NFXL1: variants seen among roughly 807,000 people sequenced by gnomAD.
NFXL1 encodes NF-X1-type zinc finger protein NFXL1.
In NFXL1, 66 loss-of-function variants were observed where a neutral mutation model predicts 123.3. That is an observed-to-expected ratio of 0.54 (90% CI 0.44 to 0.66). The LOEUF is 0.66. Among genes scored for constraint, NFXL1 ranks in the 30% least tolerant of loss-of-function variants. The pLI is 0.00. For synonymous variants in NFXL1, 346 were observed against 360.8 expected (o/e 0.96, Z 0.46); for missense variants, 944 against 1,125.6 (o/e 0.84, Z 2.31).
chr4:47,912,604 G>A (rs1218412712), intron 2 of NFXL1, among the ~76,000 whole-genome samples: 1 of 148,730 alleles, frequency 6.7e-6, no homozygotes, highest in Non-Finnish European at 1.5e-5. Flanking sequence ...GACTACAGGC[G>A]CCTGCCACCC....
At chr4:47,879,006 T>G in intron 16 of NFXL1, 90 bp downstream of exon 16, 1 of 776,584 alleles carries the variant, frequency 1.3e-6, no homozygotes, top group Non-Finnish European at 2.1e-6. Context: ...ATACTTTGAC[T>G]TTGTTATTTC....
At chr4:47,874,521 A>G (rs1027902445) in intron 18 of NFXL1, among the ~76,000 whole-genome samples, 2 of 152,232 alleles carry the variant, frequency 1.3e-5, no homozygotes, top group Admixed American at 1.3e-4. Flanking sequence ...GTCTCACAGA[A>G]GTGCAGTTCA....
intron 19 of NFXL1, among the ~76,000 whole-genome samples, chr4:47,856,710 T>C (rs1734436505): frequency 6.6e-6 from 1 of 152,250 alleles, no homozygotes; most frequent in African/African-American, 2.4e-5. Context: ...TCACTCACAC[T>C]GTGCACTTCC....
chr4:47,913,954 G>A lies in NFXL1; in HGVS notation c.235+15C>T, dbSNP rs987353257. The stretch of plus-strand genomic sequence containing the variant: ...GAGGCATCCAGGTGAGCACGCGGGC[G>A]GGAGCCATTCTCACCGCTGGCTGCG... On this transcript the variant is annotated intron_variant, in intron 2 of 22. Transcript: ENST00000507489. The A allele has an allele frequency of 8.5e-6, 13 of 1,528,872 alleles. No individual in the cohort carries two copies. In the African/African-American group the frequency reaches 1.1e-4, roughly 13 times the overall value. 94.7% of individuals were successfully genotyped at this position (1,528,872 alleles called of 1,614,324 possible). A position where few individuals can be genotyped will look rare whatever the true frequency, so the allele number is the denominator to read the frequency against.
intron 15 of NFXL1, among the ~76,000 whole-genome samples, chr4:47,884,034 G>A (rs570105942): frequency 6.6e-5 from 10 of 152,204 alleles, no homozygotes; most frequent in African/African-American, 1.4e-4. Context: ...GGGAATCATC[G>A]GGAAAAGTAA....
rs768501174 is a variant in NFXL1, at chr4:47,890,717, A to G, written c.1453-14T>C. On this transcript the variant is annotated splice_polypyrimidine_tract_variant and intron_variant, in intron 11 of 22. Transcript: ENST00000507489. ...TCCAGGGCAACACTGAAGAGAAAGC[A>G]ATATATAAAGAACAGGTAATTCAAA... The G allele has an allele frequency of 1.3e-6, 2 of 1,506,812 alleles. No individual in the cohort carries two copies. The highest frequency in any genetic ancestry group is 2.3e-5 in the East Asian group (1 of 44,220). 93.3% of individuals were successfully genotyped at this position (1,506,812 alleles called of 1,614,324 possible). A position where few individuals can be genotyped will look rare whatever the true frequency, so the allele number is the denominator to read the frequency against.
intron 18 of NFXL1, among the ~76,000 whole-genome samples, chr4:47,869,096 G>A (rs1297646455): frequency 1.3e-5 from 2 of 152,066 alleles, no homozygotes; most frequent in African/African-American, 4.8e-5. Flanking sequence ...GTGGTGGTAT[G>A]TGCCTGTAGC....
chr4:47,906,864 T>A (rs949581126), intron 3 of NFXL1, among the ~76,000 whole-genome samples: 4 of 152,186 alleles, frequency 2.6e-5, no homozygotes, highest in Non-Finnish European at 5.9e-5. Context: ...CTATTTGAAG[T>A]CATGCATTTT....
chr4:47,863,268 CT>C (rs1182827905), intron 18 of NFXL1, among the ~76,000 whole-genome samples: 1 of 152,060 alleles, frequency 6.6e-6, no homozygotes, highest in Non-Finnish European at 1.5e-5. Context: ...GTTAATGCCC[CT>C]ACATAAAAAA....
At chr4:47,897,009 A>G (rs1737123212) in intron 9 of NFXL1, among the ~76,000 whole-genome samples, 1 of 152,196 alleles carries the variant, frequency 6.6e-6, no homozygotes, top group Non-Finnish European at 1.5e-5. Flanking sequence ...CACAAAGACA[A>G]AAAGAAAGGT....
Position 47,894,211 on chromosome 4 carries a change from C to A in NFXL1, c.1421G>T (p.Arg474Leu). The A allele has an allele frequency of 6.2e-7, 1 of 1,604,398 alleles. No individual in the cohort carries two copies. The highest frequency in any genetic ancestry group is 2.3e-5 in the East Asian group (1 of 44,376). The change falls in exon 11 of 23, where the codon CGT becomes CTT. Residue 474 changes from arginine to leucine, a missense_variant. Transcript: ENST00000507489. ...TCTACATTGATGCTTCTGACAGTCA[C>A]GCATCTTAACACACTTAGTTTCACA... ...YLCETKCVKMRDCQKHQCRRK... is the reference protein window; with the variant it reads ...YLCETKCVKMLDCQKHQCRRK...
chr4:47,864,269 G>C (rs1184562955), intron 18 of NFXL1, among the ~76,000 whole-genome samples: 2 of 152,140 alleles, frequency 1.3e-5, no homozygotes, highest in Non-Finnish European at 2.9e-5. Context: ...TTAACATGAA[G>C]CAGAAAAAGA....
intron 18 of NFXL1, among the ~76,000 whole-genome samples, chr4:47,865,341 G>A (rs1367030571): frequency 6.6e-6 from 1 of 152,022 alleles, no homozygotes; most frequent in Non-Finnish European, 1.5e-5. Context: ...GTAGTGCTGA[G>A]GTAATGGAAG....
intron 12 of NFXL1, among the ~76,000 whole-genome samples, chr4:47,887,966 C>T (rs1736540109): frequency 6.6e-6 from 1 of 151,804 alleles, no homozygotes; most frequent in Non-Finnish European, 1.5e-5. Flanking sequence ...ACAGATGATC[C>T]TGAATTTAAA....
intron 15 of NFXL1, among the ~76,000 whole-genome samples, chr4:47,879,589 T>C (rs781300678): frequency 3.9e-5 from 6 of 152,050 alleles, no homozygotes; most frequent in Non-Finnish European, 7.4e-5. Flanking sequence ...AAAGTCTATA[T>C]AGAAAGATAA....
Position 47,886,046 on chromosome 4 carries a change from T to C in NFXL1, c.1544-47A>G, listed in dbSNP as rs773294956. On this transcript the variant is annotated intron_variant, in intron 12 of 22. Coordinates refer to ENST00000507489, the MANE Select transcript of NFXL1 (RefSeq NM_001278624.2). The stretch of plus-strand genomic sequence containing the variant: ...TAAAAAGTTTCCTTAACTACCCAAA[T>C]GCCTATTAATGGTAAAATACATAAA... 8.3e-6 allele frequency: 13 copies of C among 1,569,496 alleles called. No individual in the cohort carries two copies. In the East Asian group the frequency reaches 2.5e-4, roughly 30 times the overall value.
chr4:47,912,453 TTTTC>T (rs1484155386), intron 2 of NFXL1, among the ~76,000 whole-genome samples: 1 of 122,468 alleles, frequency 8.2e-6, no homozygotes, highest in African/African-American at 3.0e-5. Context: ...TTTCTTTTTC[TTTTC>T]TTTCTTTTTT....
chr4:47,855,264 G>C, intron 19 of NFXL1, 101 bp from the exon 20 acceptor site: 1 of 599,580 alleles, frequency 1.7e-6, no homozygotes, highest in Non-Finnish European at 3.0e-6. Flanking sequence ...TCACACAAAG[G>C]GTCAATCAAT....
chr4:47,863,345 T>A (rs940234768), intron 18 of NFXL1, among the ~76,000 whole-genome samples: 1 of 152,172 alleles, frequency 6.6e-6, no homozygotes, highest in African/African-American at 2.4e-5. Flanking sequence ...GAAATAAAAT[T>A]AACTTATTTA....
Sources: gnomAD v4.1 joint callset for allele counts (sites outside exome capture counted in the v4.1 genomes callset) on GRCh38, gnomAD v4.1.1 for gene constraint, MANE v1.5 for transcripts, NCBI Gene and HGNC (gene_info 2026-07-23, HGNC 2026-07-21) for gene names.